The following MS4A4A variants were observed in gnomAD, a reference collection of about 807,000 sequenced individuals.
MS4A4A encodes membrane spanning 4-domains A4A, also known as membrane-spanning 4-domains subfamily A member 4A.
Under a neutral mutation model 28.0 loss-of-function variants are expected in MS4A4A, and 26 were observed. The observed-to-expected ratio is 0.93, with a 90% confidence interval of 0.68 to 1.29. The LOEUF (loss-of-function observed/expected upper bound fraction) is 1.29, where lower values mean the gene tolerates loss of function less well. MS4A4A is among the 50% of genes most tolerant of loss of function. The pLI is 0.00. For missense variants in MS4A4A, 290 were observed against 293.1 expected, an observed-to-expected ratio of 0.99 and a Z score of 0.08; for synonymous variants, 86 against 100.8, an observed-to-expected ratio of 0.85 and a Z score of 0.88.
At chr11:60,294,172 T>C (rs2084882125) in intron 2 of MS4A4A, among the ~76,000 whole-genome samples, 1 of 152,236 alleles carries the variant, frequency 6.6e-6, no homozygotes, top group Non-Finnish European at 1.5e-5. Flanking sequence ...TAGTGGAATC[T>C]CACTATCATG....
chr11:60,297,117 G>A (rs1474411944), intron 2 of MS4A4A, 80 bp from the exon 3 acceptor site: 3 of 1,526,784 alleles, frequency 2.0e-6, no homozygotes, highest in East Asian at 2.3e-5. Context: ...AATAAGGATA[G>A]CTTAGTGATT....
rs762311990 is a variant in MS4A4A, at chr11:60,306,219, T to C, written c.648+18T>C. 24 of 1,568,604 alleles carry C rather than the reference T, an allele frequency of 1.5e-5. No individual in the cohort carries two copies. Among genetic ancestry groups the C allele is most frequent in the Non-Finnish European group, 1.8e-5 (20 of 1,138,682 alleles). On this transcript the variant is annotated intron_variant, in intron 6 of 6. Coordinates refer to ENST00000337908, the MANE Select transcript of MS4A4A (RefSeq NM_148975.3). Reference sequence around the variant, plus strand: ...CTGGTGGGGTGAGTATTGGCCTTCATTTGAAGATGACTGTATTAGTTTTCT... The same window carrying C: ...CTGGTGGGGTGAGTATTGGCCTTCACTTGAAGATGACTGTATTAGTTTTCT...
At chr11:60,306,741 T>G (rs2085006410) in intron 6 of MS4A4A, among the ~76,000 whole-genome samples, 1 of 152,192 alleles carries the variant, frequency 6.6e-6, no homozygotes, top group African/African-American at 2.4e-5. Context: ...TTTTTCCCCT[T>G]CCTTTCTCCC....
At chr11:60,294,077 A>G (rs1197470822) in intron 2 of MS4A4A, among the ~76,000 whole-genome samples, 2 of 152,254 alleles carry the variant, frequency 1.3e-5, no homozygotes, top group Non-Finnish European at 2.9e-5. Context: ...ATTTCAATCA[A>G]CAGTCAATGA....
rs201019669 is a variant in MS4A4A at position 60,297,349 on chromosome 11, A to G, written c.330+24A>G. ...TGGTGAGTAGAGTATCTTTTGATAT[A>G]ATTGAAGATAACATAAAGCAGTTGT... is the stretch of plus-strand genomic sequence containing the variant. On this transcript the variant is annotated intron_variant, in intron 3 of 6. Transcript: ENST00000337908. 437 of 1,610,658 alleles carry G rather than the reference A, an allele frequency of 2.7e-4. 3 individuals carry two copies. In the South Asian group the frequency reaches 3.6e-3, roughly 13 times the overall value.
chr11:60,280,688 T>C lies in MS4A4A; in HGVS notation c.13T>C (p.Tyr5His), dbSNP rs1320948915. MHQT[Y>H]SRHCRPEEST... ...CCCAGAGCCCTGCATGCATCAGACC[T>C]ACAGCAGACATTGCAGGCCTGAAGA... Residue 5 changes from tyrosine (Y) to histidine (H), a missense_variant, in exon 1 of 7, where the codon TAC becomes CAC. Coordinates refer to ENST00000337908, the MANE Select transcript of MS4A4A (RefSeq NM_148975.3). 8 of 1,613,702 alleles carry C rather than the reference T, an allele frequency of 5.0e-6. No individual in the cohort carries two copies. Among genetic ancestry groups the C allele is most frequent in the Non-Finnish European group, 5.9e-6 (7 of 1,179,734 alleles).
chr11:60,291,640 A>G (rs1313703835), intron 1 of MS4A4A, among the ~76,000 whole-genome samples: 2 of 151,992 alleles, frequency 1.3e-5, no homozygotes, highest in Non-Finnish European at 2.9e-5. Flanking sequence ...TCTACTAAAA[A>G]TACAAAAATT....
intron 1 of MS4A4A, among the ~76,000 whole-genome samples, chr11:60,284,496 T>A (rs1373100300): frequency 6.6e-5 from 10 of 152,214 alleles, no homozygotes; most frequent in African/African-American, 2.4e-4. Context: ...ATATAATTGG[T>A]GAGAGCATGT....
At chr11:60,292,111 T>C (rs1218612227) in intron 1 of MS4A4A, 114 bp from the exon 2 acceptor site, 47 of 1,269,534 alleles carry the variant, frequency 3.7e-5, no homozygotes, top group Non-Finnish European at 4.8e-5. Flanking sequence ...GCTATTATGA[T>C]ATGGGAAGAG....
chr11:60,299,522 G>C (rs1005563980), intron 3 of MS4A4A, among the ~76,000 whole-genome samples: 1 of 148,396 alleles, frequency 6.7e-6, no homozygotes, highest in African/African-American at 2.5e-5. Context: ...ACCCAGGCTG[G>C]AGTGCAATGG....
intron 2 of MS4A4A, among the ~76,000 whole-genome samples, chr11:60,294,010 G>A (rs563650998): frequency 1.1e-4 from 16 of 152,286 alleles, no homozygotes; most frequent in Admixed American, 5.2e-4. Flanking sequence ...GTAAGAGTAC[G>A]TTTAGTTTTG....
At chr11:60,288,581 G>A (rs891284701) in intron 1 of MS4A4A, among the ~76,000 whole-genome samples, 8 of 152,106 alleles carry the variant, frequency 5.3e-5, no homozygotes, top group Non-Finnish European at 1.0e-4. Context: ...GGTTACAGTT[G>A]AAATTTTGGT....
intron 1 of MS4A4A, among the ~76,000 whole-genome samples, chr11:60,287,012 T>C (rs916829304): frequency 4.6e-5 from 7 of 152,198 alleles, no homozygotes; most frequent in Non-Finnish European, 1.0e-4. Flanking sequence ...AGCTTTGAAT[T>C]CTTTAACGTT....
At chr11:60,286,101 C>T (rs917719219) in intron 1 of MS4A4A, among the ~76,000 whole-genome samples, 1 of 152,174 alleles carries the variant, frequency 6.6e-6, no homozygotes, top group Admixed American at 6.5e-5. Flanking sequence ...TGATATTTCT[C>T]CTACTTGTTT....
intron 4 of MS4A4A, 67 bp from the exon 5 acceptor site, chr11:60,302,492 A>T (rs2084960318): frequency 6.7e-7 from 1 of 1,486,418 alleles, no homozygotes; most frequent in Admixed American, 1.8e-5. Flanking sequence ...GGTGGGTGTA[A>T]AGTGATTCAT....
intron 5 of MS4A4A, among the ~76,000 whole-genome samples, chr11:60,304,289 C>T (rs2084978485): frequency 6.6e-6 from 1 of 152,222 alleles, no homozygotes; most frequent in South Asian, 2.1e-4. Flanking sequence ...ATTTCGTGGG[C>T]ATGGGACCTG....
intron 4 of MS4A4A, among the ~76,000 whole-genome samples, 191 bp downstream of exon 4, chr11:60,301,248 G>C (rs995457426): frequency 2.0e-5 from 3 of 152,122 alleles, no homozygotes; most frequent in Non-Finnish European, 4.4e-5. Context: ...TGGATATTTT[G>C]GCAAGGTAGG....
intron 6 of MS4A4A, among the ~76,000 whole-genome samples, chr11:60,306,941 A>T (rs1387309806): frequency 6.6e-6 from 1 of 152,216 alleles, no homozygotes; most frequent in African/African-American, 2.4e-5. Flanking sequence ...TGAGACCTGC[A>T]GCTGATGCTG....
intron 1 of MS4A4A, among the ~76,000 whole-genome samples, chr11:60,283,259 G>T (rs981181829): frequency 2.0e-5 from 3 of 152,132 alleles, no homozygotes; most frequent in Middle Eastern, 3.4e-3. Flanking sequence ...TAGAGATGGG[G>T]TTTCACCATG....
Sources: gnomAD v4.1 joint callset for allele counts (sites outside exome capture counted in the v4.1 genomes callset) on GRCh38, gnomAD v4.1.1 for gene constraint, MANE v1.5 for transcripts, NCBI Gene and HGNC (gene_info 2026-07-23, HGNC 2026-07-21) for gene names.